The following HTR1E variants were observed in gnomAD, a reference collection of about 807,000 sequenced individuals.
HTR1E encodes 5-hydroxytryptamine receptor 1E.
In HTR1E, 3 loss-of-function variants were observed where a neutral mutation model predicts 3.4. The ratio of observed to expected loss-of-function variants is 0.89; its 90% CI spans 0.41 to 2.31. The LOEUF is 2.31. HTR1E is among the 30% of genes most tolerant of loss of function. The pLI, the probability that HTR1E is intolerant of heterozygous loss-of-function variation, is 0.05. For synonymous variants in HTR1E, 170 were observed against 182.8 expected (o/e 0.93, Z 0.56); for missense variants, 392 against 467.0 (o/e 0.84, Z 1.48).
rs182337663 is a variant in HTR1E at position 86,965,955 on chromosome 6, A to T, written c.-186+28132A>T. ...AAAATGTCAGAAATCACTACTAAAGAACTTATTCATATAACCAAACACCAC... is the reference window on the plus strand; with the variant it reads ...AAAATGTCAGAAATCACTACTAAAGTACTTATTCATATAACCAAACACCAC... On this transcript the variant is annotated intron_variant, in intron 1 of 1. Coordinates refer to ENST00000305344, the MANE Select transcript of HTR1E (RefSeq NM_000865.3). Among the ~76,000 whole-genome samples, 311 of 152,246 alleles carry T rather than the reference A, an allele frequency of 2.0e-3. 1 individual carries two copies. The highest frequency in any genetic ancestry group is 3.7e-3 in the Non-Finnish European group (255 of 68,002).
At chr6:87,002,088 T>C (rs1768032420) in intron 1 of HTR1E, among the ~76,000 whole-genome samples, 2 of 152,240 alleles carry the variant, frequency 1.3e-5, no homozygotes, top group Non-Finnish European at 2.9e-5. Context: ...TAAATATATA[T>C]GCACCCAACA....
At chr6:87,003,926 A>G (rs1327035176) in intron 1 of HTR1E, among the ~76,000 whole-genome samples, 2 of 152,264 alleles carry the variant, frequency 1.3e-5, no homozygotes, top group East Asian at 3.9e-4. Context: ...AAAAGGAGAC[A>G]TTACAACTGA....
chr6:86,989,817 A>G (rs1767848383), intron 1 of HTR1E, among the ~76,000 whole-genome samples: 1 of 152,186 alleles, frequency 6.6e-6, no homozygotes, highest in South Asian at 2.1e-4. Context: ...TATCTAAGAC[A>G]CATTTGCAGG....
At chr6:86,963,302 C>A (rs1233914133) in intron 1 of HTR1E, among the ~76,000 whole-genome samples, 1 of 152,152 alleles carries the variant, frequency 6.6e-6, no homozygotes, top group East Asian at 1.9e-4. Flanking sequence ...ATGTACACCA[C>A]TGCACCTGGC....
intron 1 of HTR1E, among the ~76,000 whole-genome samples, chr6:87,013,988 T>C (rs1768277387): frequency 1.3e-5 from 2 of 152,070 alleles, no homozygotes; most frequent in South Asian, 2.1e-4. Flanking sequence ...AAAGCCATCA[T>C]TCTGAGCAAA....
intron 1 of HTR1E, among the ~76,000 whole-genome samples, chr6:86,947,292 ACAAC>A (rs1158103719): frequency 2.6e-5 from 4 of 152,196 alleles, no homozygotes; most frequent in Admixed American, 1.3e-4. Context: ...AACTCACAAA[ACAAC>A]CTTTTGAAGT....
chr6:86,993,979 A>T (rs931424193), intron 1 of HTR1E, among the ~76,000 whole-genome samples: 4 of 152,208 alleles, frequency 2.6e-5, no homozygotes, highest in African/African-American at 7.2e-5. Flanking sequence ...ATGGAAAAAA[A>T]TACAATAACT....
At chr6:87,013,221 A>G (rs1215398824) in intron 1 of HTR1E, among the ~76,000 whole-genome samples, 1 of 152,148 alleles carries the variant, frequency 6.6e-6, no homozygotes, top group East Asian at 1.9e-4. Flanking sequence ...TATCATCCCT[A>G]TAACCTCATC....
intron 1 of HTR1E, among the ~76,000 whole-genome samples, chr6:86,956,439 A>G (rs1767325211): frequency 6.6e-6 from 1 of 152,168 alleles, no homozygotes; most frequent in Non-Finnish European, 1.5e-5. Context: ...TTCTTTAGAT[A>G]ATAACTTAAC....
chr6:86,956,796 A>G (rs1407424175), intron 1 of HTR1E, among the ~76,000 whole-genome samples: 1 of 152,206 alleles, frequency 6.6e-6, no homozygotes, highest in Non-Finnish European at 1.5e-5. Flanking sequence ...TTGCCATATG[A>G]TCTTGCACAC....
At chr6:87,004,224 T>C (rs995411252) in intron 1 of HTR1E, among the ~76,000 whole-genome samples, 14 of 152,048 alleles carry the variant, frequency 9.2e-5, no homozygotes, top group Non-Finnish European at 1.5e-5. Context: ...TACCAAAATA[T>C]AGAGGAGGAG....
intron 1 of HTR1E, among the ~76,000 whole-genome samples, chr6:87,010,107 G>A (rs1768187733): frequency 7.4e-6 from 1 of 135,264 alleles, no homozygotes; most frequent in Non-Finnish European, 1.6e-5. Context: ...CCGGGCTGAG[G>A]GGCTCCTCAC....
chr6:86,948,713 C>T (rs984132209), intron 1 of HTR1E, among the ~76,000 whole-genome samples: 1 of 152,174 alleles, frequency 6.6e-6, no homozygotes, highest in African/African-American at 2.4e-5. Flanking sequence ...GACCCAGGCC[C>T]ATCCAAACAT....
At chr6:86,954,671 C>G (rs1363808353) in intron 1 of HTR1E, among the ~76,000 whole-genome samples, 1 of 152,170 alleles carries the variant, frequency 6.6e-6, no homozygotes, top group Non-Finnish European at 1.5e-5. Context: ...CCCGTATGCC[C>G]TGAAAAATTC....
intron 1 of HTR1E, among the ~76,000 whole-genome samples, chr6:86,977,047 T>A (rs1018036383): frequency 2.0e-5 from 3 of 152,180 alleles, no homozygotes; most frequent in Non-Finnish European, 4.4e-5. Context: ...AACCTCGGTA[T>A]GGTGCCAATT....
At chr6:86,939,931 C>T (rs1187127548) in intron 1 of HTR1E, among the ~76,000 whole-genome samples, 1 of 152,188 alleles carries the variant, frequency 6.6e-6, no homozygotes, top group African/African-American at 2.4e-5. Context: ...ATTTGCTCCC[C>T]ATTTCTTCTT....
chr6:86,944,008 C>A (rs769901984), intron 1 of HTR1E, among the ~76,000 whole-genome samples: 2 of 152,124 alleles, frequency 1.3e-5, no homozygotes, highest in Non-Finnish European at 2.9e-5. Flanking sequence ...CTTCCAAGCT[C>A]GCTCACGTGG....
intron 1 of HTR1E, among the ~76,000 whole-genome samples, chr6:86,973,952 C>CGGCCCATGTGTATTCTCTGCCTA (rs1767595015): frequency 6.6e-6 from 1 of 152,152 alleles, no homozygotes; most frequent in Non-Finnish European, 1.5e-5. Flanking sequence ...CAAGTCCACA[C>CGGCCCATGTGTATTCTCTGCCTA]GGCCCATGTG....
At chr6:87,004,465 C>T (rs1419619445) in intron 1 of HTR1E, among the ~76,000 whole-genome samples, 1 of 152,122 alleles carries the variant, frequency 6.6e-6, no homozygotes, top group Non-Finnish European at 1.5e-5. Flanking sequence ...GAATAGGGTA[C>T]ATTATGTCAA....
Sources: allele counts gnomAD v4.1 joint callset (sites outside exome capture counted in the v4.1 genomes callset), GRCh38; gene constraint gnomAD v4.1.1; transcripts MANE v1.5; gene names NCBI Gene and HGNC (gene_info 2026-07-23, HGNC 2026-07-21).